The following WWC2 variants were observed in gnomAD, a reference collection of about 807,000 sequenced individuals.
WWC2 encodes the protein WW and C2 domain containing 2, also known as protein WWC2.
WWC2 carries 101 observed loss-of-function variants against 138.5 expected under a neutral mutation model. The ratio of observed to expected loss-of-function variants is 0.73; its 90% CI spans 0.62 to 0.86. The LOEUF is 0.86. Among genes scored for constraint, WWC2 ranks in the 40% least tolerant of loss-of-function variants. WWC2 has a pLI of 0.00. For missense variants in WWC2, 1,420 were observed against 1,419.4 expected (o/e 1.00, Z -0.01); for synonymous variants, 558 against 538.4 (o/e 1.04, Z -0.50).
chr4:183,288,347 T>C (rs903656995), intron 20 of WWC2, among the ~76,000 whole-genome samples: 3 of 152,160 alleles, frequency 2.0e-5, no homozygotes, highest in South Asian at 2.1e-4. Context: ...TTTGAGTCCC[T>C]CCTCGCTCAT....
chr4:183,194,006 T>C (rs1364920681), intron 2 of WWC2, among the ~76,000 whole-genome samples: 1 of 152,178 alleles, frequency 6.6e-6, no homozygotes, highest in Non-Finnish European at 1.5e-5. Flanking sequence ...TCAGAGCTGC[T>C]GGGCTCCTCT....
chr4:183,287,649 A>G (rs1738303196), intron 20 of WWC2, among the ~76,000 whole-genome samples: 1 of 152,234 alleles, frequency 6.6e-6, no homozygotes, highest in South Asian at 2.1e-4. Context: ...TAGGAATTAC[A>G]GCATAAGCAA....
intron 1 of WWC2, among the ~76,000 whole-genome samples, chr4:183,174,712 T>C (rs1385607373): frequency 6.6e-6 from 1 of 152,188 alleles, no homozygotes; most frequent in African/African-American, 2.4e-5. Context: ...GACACCATTG[T>C]ATATATCCTG....
At chr4:183,116,612 T>C (rs575472337) in intron 1 of WWC2, among the ~76,000 whole-genome samples, 3 of 152,340 alleles carry the variant, frequency 2.0e-5, no homozygotes, top group South Asian at 4.1e-4. Context: ...CTTTGGAAGA[T>C]AGAGCCTCCT....
chr4:183,207,847 A>C (rs1735486839), intron 2 of WWC2, 106 bp from the exon 3 acceptor site: 1 of 1,061,346 alleles, frequency 9.4e-7, no homozygotes, highest in African/African-American at 1.6e-5. Flanking sequence ...AGCTAAATAA[A>C]CTCCTTAGAG....
At chr4:183,314,754 G>A (rs753570475) in intron 22 of WWC2, among the ~76,000 whole-genome samples, 16 of 152,224 alleles carry the variant, frequency 1.1e-4, no homozygotes, top group Non-Finnish European at 2.4e-4. Flanking sequence ...ACCTACACTC[G>A]TGGCATTTTT....
chr4:183,101,772 T>A (rs1376157693), intron 1 of WWC2, among the ~76,000 whole-genome samples: 1 of 152,214 alleles, frequency 6.6e-6, no homozygotes, highest in Non-Finnish European at 1.5e-5. Context: ...GTGTGTGGAT[T>A]CTTCTGCAGG....
intron 1 of WWC2, among the ~76,000 whole-genome samples, chr4:183,162,214 A>G (rs1008843389): frequency 6.6e-6 from 1 of 152,112 alleles, no homozygotes; most frequent in Non-Finnish European, 1.5e-5. Flanking sequence ...AAAGAAACAA[A>G]CCCTAATTCT....
At chr4:183,305,518 G>A (rs80009425) in intron 21 of WWC2, among the ~76,000 whole-genome samples, 1 of 148,674 alleles carries the variant, frequency 6.7e-6, no homozygotes, top group Non-Finnish European at 1.5e-5. Flanking sequence ...GCCAGAGGGG[G>A]AAAAAAGCTT....
intron 4 of WWC2, among the ~76,000 whole-genome samples, chr4:183,235,921 T>C (rs1736410356): frequency 6.6e-6 from 1 of 152,262 alleles, no homozygotes; most frequent in African/African-American, 2.4e-5. Flanking sequence ...CCAAGTGATT[T>C]TAAGACTTCT....
chr4:183,258,341 A>G (rs937004868), intron 9 of WWC2, among the ~76,000 whole-genome samples: 15 of 152,340 alleles, frequency 9.8e-5, no homozygotes, highest in African/African-American at 3.1e-4. Flanking sequence ...TTAAGAATTT[A>G]TCGCGCTTTT....
rs1738370340 is a variant in WWC2, at chr4:183,289,568, C to T, written c.3317C>T (p.Thr1106Ile). The change falls in exon 21 of 23, where the codon ACT (threonine) becomes ATT (isoleucine). Residue 1106 changes from threonine to isoleucine, a missense_variant. Transcript: ENST00000403733. ...GAGGAACTGAAAGCTCAGGGAGAGA[C>T]TGACCTTCCACCAGGCGTGCTGGAG... ...KLEELKAQGE[T>I]DLPPGVLEDE... 2 of 1,613,844 alleles carry T rather than the reference C, an allele frequency of 1.2e-6. No homozygotes were observed. Among genetic ancestry groups the T allele is most frequent in the South Asian group, 1.1e-5 (1 of 91,080 alleles).
chr4:183,183,404 A>G (rs1734698309), intron 1 of WWC2, among the ~76,000 whole-genome samples: 1 of 152,098 alleles, frequency 6.6e-6, no homozygotes, highest in Non-Finnish European at 1.5e-5. Context: ...TCTTAAAAGG[A>G]CTGTATCGAG....
intron 10 of WWC2, among the ~76,000 whole-genome samples, chr4:183,260,395 C>A (rs1342357262): frequency 6.6e-6 from 1 of 152,144 alleles, no homozygotes; most frequent in Non-Finnish European, 1.5e-5. Context: ...AAAAGGTTAA[C>A]GAAGAAGCAT....
intron 1 of WWC2, among the ~76,000 whole-genome samples, chr4:183,139,724 C>T (rs904220826): frequency 6.6e-6 from 1 of 152,228 alleles, no homozygotes; most frequent in Non-Finnish European, 1.5e-5. Flanking sequence ...TGTAAGTACA[C>T]ACACATATGC....
At chr4:183,205,559 T>C (rs1735425470) in intron 2 of WWC2, among the ~76,000 whole-genome samples, 1 of 152,190 alleles carries the variant, frequency 6.6e-6, no homozygotes, top group Admixed American at 6.5e-5. Context: ...AAGTTGGTTT[T>C]GTTGTTGTTG....
intron 4 of WWC2, among the ~76,000 whole-genome samples, chr4:183,227,245 T>C (rs1736101265): frequency 6.6e-6 from 1 of 152,072 alleles, no homozygotes; most frequent in Non-Finnish European, 1.5e-5. Context: ...ACCCCTGAAT[T>C]CACATTTACC....
intron 1 of WWC2, among the ~76,000 whole-genome samples, chr4:183,181,170 G>A (rs1196771453): frequency 6.6e-6 from 1 of 152,174 alleles, no homozygotes. Context: ...GTGAGCTCAA[G>A]TTTTGGGAGC....
rs1736574522 is a variant in WWC2 at position 183,240,242 on chromosome 4, A to G, written c.582A>G (p.Gln194=). 3.2e-6 allele frequency: 5 copies of G among 1,552,408 alleles called. No individual in the cohort carries two copies. Among genetic ancestry groups the G allele is most frequent in the Non-Finnish European group, 4.4e-6 (5 of 1,147,748 alleles). ...AGCAGGAACTGCTCTATAAAGAACA[A>G]GGCTTTGAAACATTGCAGCAGTGAG... The part of the protein sequence containing the change: ...QMKQELLYKE[Q]GFETLQQIDK... Residue 194 remains glutamine, a synonymous_variant, in exon 5 of 23, where the codon CAA becomes CAG. Transcript: ENST00000403733.
Sources: allele counts gnomAD v4.1 joint callset (sites outside exome capture counted in the v4.1 genomes callset), GRCh38; gene constraint gnomAD v4.1.1; transcripts MANE v1.5; gene names NCBI Gene and HGNC (gene_info 2026-07-23, HGNC 2026-07-21).